FAM20C: variants seen among roughly 807,000 people sequenced by gnomAD.
FAM20C encodes FAM20C golgi associated secretory pathway kinase, also known as extracellular serine/threonine protein kinase FAM20C.
A neutral mutation model predicts 51.5 loss-of-function variants in FAM20C; 40 were observed. The observed-to-expected ratio is 0.78, with a 90% confidence interval of 0.60 to 1.01. The LOEUF is 1.01. FAM20C is among the 50% of genes least tolerant of loss of function. The probability of loss-of-function intolerance (pLI) is 0.00; values close to 1 mark genes in which losing one functional copy is unlikely to be tolerated. For synonymous variants in FAM20C, 406 were observed against 380.6 expected, an observed-to-expected ratio of 1.07 and a Z score of -0.78; for missense variants, 861 against 844.7, an observed-to-expected ratio of 1.02 and a Z score of -0.24.
intron 2 of FAM20C, among the ~76,000 whole-genome samples, chr7:208,118 C>T (rs1443362264): frequency 1.3e-5 from 2 of 152,082 alleles, no homozygotes; most frequent in South Asian, 2.1e-4. Flanking sequence ...TGCCACTCCC[C>T]GTTCTTAGGC....
intron 3 of FAM20C, chr7:228,636 C>G (rs377534765): frequency 2.2e-6 from 1 of 456,284 alleles, no homozygotes; most frequent in East Asian, 6.9e-5. Context: ...TGACCTGTCC[C>G]AACAAGAAGC....
chr7:254,853 G>A (rs1027391257), intron 5 of FAM20C, among the ~76,000 whole-genome samples: 4 of 152,222 alleles, frequency 2.6e-5, no homozygotes, highest in African/African-American at 9.6e-5. Flanking sequence ...GTCATACGAC[G>A]TGTGGCCTCC....
intron 4 of FAM20C, 140 bp downstream of exon 4, chr7:246,647 CCACCCCGAG>C (rs1397860918): frequency 7.9e-6 from 3 of 378,878 alleles, no homozygotes; most frequent in Admixed American, 4.1e-5. Context: ...TGCTCTCCCC[CCACCCCGAG>C]TGCTGCCCTG....
chr7:193,810 TG>T lies in FAM20C; in HGVS notation c.605+11del, dbSNP rs765249975. On this transcript the variant is annotated splice_region_variant and intron_variant, in intron 1 of 9. Transcript: ENST00000313766. Reference sequence around the variant, plus strand: ...GCGGCGGAGAACCCGGACTGGTGAGTGGGGGCTGGCAGGTGCCCACCCCCAA... The same window carrying T: ...GCGGCGGAGAACCCGGACTGGTGAGTGGGGCTGGCAGGTGCCCACCCCCAA... 3 of 1,553,814 alleles carry T rather than the reference TG, an allele frequency of 1.9e-6. No homozygotes were observed. The highest frequency in any genetic ancestry group is 2.4e-5 in the East Asian group (1 of 41,190).
intron 3 of FAM20C, among the ~76,000 whole-genome samples, chr7:211,254 C>T (rs540167158): frequency 1.3e-5 from 2 of 150,370 alleles, no homozygotes; most frequent in Non-Finnish European, 3.0e-5. Context: ...GGACCTCCCC[C>T]CAGCCTCCTC....
At chr7:227,507 A>C (rs919644794) in intron 3 of FAM20C, 3 of 152,080 alleles carry the variant, frequency 2.0e-5, no homozygotes, top group African/African-American at 7.3e-5. Flanking sequence ...CGGAGGAAAA[A>C]CAAGATTGTA....
At chr7:249,321 G>C (rs1048076531) in intron 5 of FAM20C, among the ~76,000 whole-genome samples, 1 of 152,268 alleles carries the variant, frequency 6.6e-6, no homozygotes, top group African/African-American at 2.4e-5. Context: ...TGGCCTGAAC[G>C]TTAGGCAGGA....
At chr7:208,413 T>C (rs1340595955) in intron 2 of FAM20C, among the ~76,000 whole-genome samples, 1 of 150,024 alleles carries the variant, frequency 6.7e-6, no homozygotes, top group Non-Finnish European at 1.5e-5. Flanking sequence ...TGTGTGCTGA[T>C]GTGTGTGGGT....
At position 256,014 on chromosome 7, in the gene FAM20C, A is replaced by G; in HGVS notation, c.1238A>G (p.Lys413Arg). 1 of 1,535,834 alleles carries G rather than the reference A, an allele frequency of 6.5e-7. No individual in the cohort carries two copies. ...WRNPWRRSYH[K>R]RKKAEWEVDP... ...AACCCTTGGCGGCGTTCCTACCACAAGCGCAAGAAGGCCGAGTGAGTGCGG... is the reference window on the plus strand; with the variant it reads ...AACCCTTGGCGGCGTTCCTACCACAGGCGCAAGAAGGCCGAGTGAGTGCGG... Residue 413 changes from lysine (K) to arginine (R), a missense_variant, in exon 6 of 10, where the codon AAG (lysine) becomes AGG (arginine). Transcript: ENST00000313766.
intron 8 of FAM20C, among the ~76,000 whole-genome samples, chr7:258,128 G>T (rs1215477110): frequency 3.9e-5 from 5 of 127,278 alleles, no homozygotes; most frequent in African/African-American, 8.9e-5. Context: ...AGATAGGCGG[G>T]GTGGACCCAC....
At chr7:194,601 A>G (rs896391824) in intron 1 of FAM20C, among the ~76,000 whole-genome samples, 13 of 152,184 alleles carry the variant, frequency 8.5e-5, no homozygotes, top group East Asian at 3.9e-4. Flanking sequence ...GTCCAGGCCC[A>G]GTGTCTTCTG....
chr7:214,196 A>T (rs984174737), intron 3 of FAM20C, among the ~76,000 whole-genome samples: 1 of 152,020 alleles, frequency 6.6e-6, no homozygotes, highest in South Asian at 2.1e-4. Flanking sequence ...GTGGTGATGC[A>T]TGCCTGTAAT....
In FAM20C at chr7:258,704, A is replaced by C. The variant is rs1466594575; in HGVS notation, c.1504A>C (p.Arg502=). ...CCTGGTGCCGCTACAGCAGTGCTGC[A>C]GGTACAGCCCCTGCCGGAGCCGGCT... ...SILVPLQQCC[R]IRKSTYLRLQ... Residue 502 remains arginine, a splice_region_variant and synonymous_variant, in exon 9 of 10, where the codon AGG becomes CGG. Coordinates refer to ENST00000313766, the MANE Select transcript of FAM20C (RefSeq NM_020223.4). 1 of 1,535,928 alleles carries C rather than the reference A, an allele frequency of 6.5e-7. No homozygotes were observed. The highest frequency in any genetic ancestry group is 1.2e-5 in the South Asian group (1 of 83,946).
At chr7:196,663 A>C (rs1284389997) in intron 2 of FAM20C, among the ~76,000 whole-genome samples, 1 of 152,176 alleles carries the variant, frequency 6.6e-6, no homozygotes, top group Non-Finnish European at 1.5e-5. Flanking sequence ...CTTGGTGCTG[A>C]AAGGGTCCCA....
intron 3 of FAM20C, among the ~76,000 whole-genome samples, chr7:216,851 A>G (rs1787007870): frequency 6.6e-6 from 1 of 152,092 alleles, no homozygotes. Flanking sequence ...CAGTATTTCT[A>G]GATGCAGAAA....
In FAM20C at chr7:260,075, G is replaced by T; in HGVS notation, c.*95G>T. The stretch of plus-strand genomic sequence containing the variant: ...CGTCGTGAATTCAGTGAATTCAGAG[G>T]CAGGACGGGATCATCCGGAGTCGGG... On this transcript the variant is annotated 3_prime_UTR_variant, in exon 10 of 10. Coordinates refer to ENST00000313766, the MANE Select transcript of FAM20C (RefSeq NM_020223.4). The T allele has an allele frequency of 7.1e-7, 1 of 1,410,644 alleles. No homozygotes were observed. Among genetic ancestry groups the T allele is most frequent in the Non-Finnish European group, 9.3e-7 (1 of 1,077,830 alleles). 87.4% of individuals were successfully genotyped at this position (1,410,644 alleles called of 1,614,324 possible).
rs544062987 is a variant in FAM20C at position 204,905 on chromosome 7, G to C, written c.785-3993G>C. Reference sequence around the variant, plus strand: ...CATGGTGAGTCCCCACACTGCCGCTGTTCTCGGTGCTCGGGGAGGGGACGT... The same window carrying C: ...CATGGTGAGTCCCCACACTGCCGCTCTTCTCGGTGCTCGGGGAGGGGACGT... On this transcript the variant is annotated intron_variant, in intron 2 of 9. Transcript: ENST00000313766. Among the ~76,000 whole-genome samples, 8 of 152,336 alleles carry C rather than the reference G, an allele frequency of 5.3e-5. No homozygotes were observed. In the East Asian group the frequency reaches 1.5e-3, roughly 29 times the overall value.
chr7:241,475 C>T (rs1332840894), intron 3 of FAM20C, among the ~76,000 whole-genome samples: 5 of 152,182 alleles, frequency 3.3e-5, no homozygotes, highest in Non-Finnish European at 5.9e-5. Flanking sequence ...CGCTGCAAGG[C>T]TGTGCCAGGG....
At chr7:250,651 A>G (rs1438138170) in intron 5 of FAM20C, among the ~76,000 whole-genome samples, 1 of 152,126 alleles carries the variant, frequency 6.6e-6, no homozygotes, top group African/African-American at 2.4e-5. Context: ...GGCCGCTGTC[A>G]GCCCTTGGGT....
Sources: gnomAD v4.1 joint callset for allele counts (sites outside exome capture counted in the v4.1 genomes callset) on GRCh38, gnomAD v4.1.1 for gene constraint, MANE v1.5 for transcripts, NCBI Gene and HGNC (gene_info 2026-07-23, HGNC 2026-07-21) for gene names.